RELCH: variants seen among roughly 807,000 people sequenced by gnomAD.
RELCH encodes the protein RAB11-binding protein RELCH.
Under a neutral mutation model 150.3 loss-of-function variants are expected in RELCH, and 41 were observed. That is an observed-to-expected ratio of 0.27 (90% CI 0.21 to 0.35). The LOEUF is 0.35. Ranked by LOEUF, RELCH falls within the 10% of genes least tolerant of loss-of-function variation. The pLI is 1.00. For missense variants in RELCH, 1,092 were observed against 1,467.8 expected (o/e 0.74, Z 4.18); for synonymous variants, 478 against 531.8 (o/e 0.90, Z 1.39).
chr18:62,214,236 C>T (rs2040346482), intron 2 of RELCH, among the ~76,000 whole-genome samples: 1 of 152,060 alleles, frequency 6.6e-6, no homozygotes, highest in Non-Finnish European at 1.5e-5. Flanking sequence ...TCTTTTAGTG[C>T]TCATGTACCA....
intron 28 of RELCH, among the ~76,000 whole-genome samples, chr18:62,303,205 G>C (rs979148189): frequency 4.6e-5 from 7 of 151,914 alleles, no homozygotes; most frequent in Non-Finnish European, 1.0e-4. Context: ...TATAGACCTG[G>C]GCCTCCTACC....
At chr18:62,254,890 ATTTGCAAACAGAGGAAT>A in intron 12 of RELCH, among the ~76,000 whole-genome samples, 1 of 152,238 alleles carries the variant, frequency 6.6e-6, no homozygotes, top group South Asian at 2.1e-4. Flanking sequence ...ATCATTTTGC[ATTTGCAAACAGAGGAAT>A]GGATTGAAGT....
intron 10 of RELCH, among the ~76,000 whole-genome samples, chr18:62,234,392 G>A (rs2041766363): frequency 1.3e-5 from 2 of 150,996 alleles, no homozygotes; most frequent in South Asian, 4.2e-4. Context: ...GTCATGGCTC[G>A]CTACAGCCTC....
chr18:62,229,243 A>G (rs1468998265), intron 8 of RELCH, among the ~76,000 whole-genome samples: 1 of 152,076 alleles, frequency 6.6e-6, no homozygotes, highest in Admixed American at 6.6e-5. Flanking sequence ...AGAATCCTCA[A>G]TGCTTTATGT....
chr18:62,232,866 ATGTACT>A (rs1307425365), intron 10 of RELCH, among the ~76,000 whole-genome samples: 1 of 152,060 alleles, frequency 6.6e-6, no homozygotes, highest in Non-Finnish European at 1.5e-5. Context: ...CTAGTCATAA[ATGTACT>A]TGTAGTTGCC....
chr18:62,236,458 G>A (rs989713217), intron 10 of RELCH, among the ~76,000 whole-genome samples: 1 of 151,646 alleles, frequency 6.6e-6, no homozygotes, highest in East Asian at 1.9e-4. Context: ...TTTTGGTATT[G>A]GGCTAAGGCT....
At chr18:62,230,357 C>G (rs996217066) in intron 8 of RELCH, among the ~76,000 whole-genome samples, 1 of 151,968 alleles carries the variant, frequency 6.6e-6, no homozygotes, top group Non-Finnish European at 1.5e-5. Context: ...GGATTATGGT[C>G]CCCCTCTGAG....
At chr18:62,231,306 A>C (rs866292892) in intron 9 of RELCH, 37 bp downstream of exon 9, 2 of 1,281,202 alleles carry the variant, frequency 1.6e-6, no homozygotes, top group Middle Eastern at 3.7e-4. Flanking sequence ...CTTTTTAAAA[A>C]CATTCTACTG....
Position 62,298,829 on chromosome 18 carries a change from G to A in RELCH, c.3499G>A (p.Val1167Ile). Residue 1167 changes from valine (V) to isoleucine (I), a missense_variant, in exon 28 of 29, where the codon GTT (valine) becomes ATT (isoleucine). Coordinates refer to ENST00000644646, the MANE Select transcript of RELCH (RefSeq NM_001346231.2). ...CATGATAAAAGAATGTGAACAAAAA[G>A]TTGAAAACAAGACCGTCCAAGAGCC... is the stretch of plus-strand genomic sequence containing the variant. ...SSMIKECEQK[V>I]ENKTVQEPQG... 1.3e-6 allele frequency: 2 copies of A among 1,591,280 alleles called. No individual in the cohort carries two copies. Among genetic ancestry groups the A allele is most frequent in the Non-Finnish European group, 1.7e-6 (2 of 1,163,504 alleles).
At chr18:62,255,086 T>G (rs1472296359) in intron 12 of RELCH, among the ~76,000 whole-genome samples, 4 of 152,122 alleles carry the variant, frequency 2.6e-5, no homozygotes, top group African/African-American at 9.7e-5. Flanking sequence ...ATTCTACTCT[T>G]GCTAGGGAAA....
intron 11 of RELCH, among the ~76,000 whole-genome samples, chr18:62,252,214 C>T (rs538253657): frequency 9.5e-5 from 14 of 148,000 alleles, no homozygotes; most frequent in East Asian, 2.0e-4. Flanking sequence ...TTGGCCAGGG[C>T]GGTCTCTATC....
intron 25 of RELCH, among the ~76,000 whole-genome samples, chr18:62,282,812 C>A (rs1480224193): frequency 3.9e-5 from 6 of 152,156 alleles, no homozygotes; most frequent in Non-Finnish European, 8.8e-5. Flanking sequence ...TGCCCACCAC[C>A]ATGCCCGGCT....
chr18:62,202,578 T>A (rs1004692413), intron 1 of RELCH, among the ~76,000 whole-genome samples: 36 of 152,274 alleles, frequency 2.4e-4, no homozygotes, highest in African/African-American at 8.7e-4. Context: ...AGAAAATATA[T>A]TTTTCAACGG....
At chr18:62,257,860 G>T in intron 13 of RELCH, 88 bp from the exon 14 acceptor site, 1 of 1,021,868 alleles carries the variant, frequency 9.8e-7, no homozygotes, top group Non-Finnish European at 1.4e-6. Flanking sequence ...GTTTAATCTG[G>T]ATTTTGACCA....
At chr18:62,214,435 ACTC>A (rs2060614649) in intron 2 of RELCH, among the ~76,000 whole-genome samples, 1 of 151,902 alleles carries the variant, frequency 6.6e-6, no homozygotes, top group South Asian at 2.1e-4. Context: ...AACCTCATTA[ACTC>A]CTCATGGTTT....
At chr18:62,232,284 C>T (rs2041630685) in intron 9 of RELCH, 48 bp from the exon 10 acceptor site, 1 of 1,212,632 alleles carries the variant, frequency 8.2e-7, no homozygotes. Context: ...TATTATTATG[C>T]ACAGAAGTTC....
intron 10 of RELCH, among the ~76,000 whole-genome samples, chr18:62,242,032 ACT>A (rs1010387078): frequency 2.0e-5 from 3 of 151,894 alleles, no homozygotes; most frequent in African/African-American, 7.3e-5. Flanking sequence ...GAAACAGACC[ACT>A]CTCTGCATTT....
intron 21 of RELCH, among the ~76,000 whole-genome samples, chr18:62,274,393 T>G (rs930217923): frequency 4.6e-5 from 7 of 152,206 alleles, no homozygotes; most frequent in African/African-American, 1.4e-4. Flanking sequence ...TTCCCAGAAC[T>G]GAAAAAGGAG....
chr18:62,271,276 T>A (rs2043887052), intron 20 of RELCH, among the ~76,000 whole-genome samples: 1 of 152,196 alleles, frequency 6.6e-6, no homozygotes, highest in Non-Finnish European at 1.5e-5. Flanking sequence ...TTTTTAATGA[T>A]TGCCATTCTA....
Sources: allele counts gnomAD v4.1 joint callset (sites outside exome capture counted in the v4.1 genomes callset), GRCh38; gene constraint gnomAD v4.1.1; transcripts MANE v1.5; gene names NCBI Gene and HGNC (gene_info 2026-07-23, HGNC 2026-07-21).